The following BCKDHB variants were observed in gnomAD, a reference collection of about 807,000 sequenced individuals.
BCKDHB encodes the protein 2-oxoisovalerate dehydrogenase subunit beta, mitochondrial.
BCKDHB carries 41 observed loss-of-function variants against 48.5 expected under a neutral mutation model. The ratio of observed to expected loss-of-function variants is 0.85; its 90% CI spans 0.66 to 1.10. The LOEUF (loss-of-function observed/expected upper bound fraction) is 1.10. Ranked by LOEUF, BCKDHB falls within the 50% of genes least tolerant of loss-of-function variation. BCKDHB has a pLI of 0.00. For missense variants in BCKDHB, 496 were observed against 494.2 expected, an observed-to-expected ratio of 1.00 and a Z score of -0.03; for synonymous variants, 201 against 174.8, an observed-to-expected ratio of 1.15 and a Z score of -1.18.
the BCKDHB span, among the ~76,000 whole-genome samples, chr6:80,449,988 T>C: frequency 6.6e-6 from 1 of 152,186 alleles, no homozygotes; most frequent in Non-Finnish European, 1.5e-5. Flanking sequence ...TGTGGAATAT[T>C]ATAATGAACT....
chr6:80,386,836 T>TA, the BCKDHB span, among the ~76,000 whole-genome samples: 2 of 152,122 alleles, frequency 1.3e-5, no homozygotes, highest in East Asian at 3.9e-4. Context: ...ATTTGAATTA[T>TA]AAAAACAGAG....
chr6:80,238,107 T>G (rs1776220300), intron 8 of BCKDHB, among the ~76,000 whole-genome samples: 1 of 152,216 alleles, frequency 6.6e-6, no homozygotes, highest in South Asian at 2.1e-4. Flanking sequence ...TTTAAATTTT[T>G]ATTTTATTTT....
At chr6:80,236,013 G>C (rs1375063706) in intron 8 of BCKDHB, among the ~76,000 whole-genome samples, 1 of 152,188 alleles carries the variant, frequency 6.6e-6, no homozygotes, top group East Asian at 1.9e-4. Context: ...GCTCCATGTG[G>C]AAAGGCTGCT....
At chr6:80,141,949 A>G (rs1210646004) in intron 3 of BCKDHB, among the ~76,000 whole-genome samples, 1 of 152,050 alleles carries the variant, frequency 6.6e-6, no homozygotes, top group Admixed American at 6.6e-5. Flanking sequence ...TAACAGGGGG[A>G]GGAACCCAGA....
At chr6:80,333,508 T>G (rs1769425799) in intron 9 of BCKDHB, among the ~76,000 whole-genome samples, 1 of 152,196 alleles carries the variant, frequency 6.6e-6, no homozygotes, top group African/African-American at 2.4e-5. Flanking sequence ...TCTATATGCC[T>G]CCATGTTGTT....
chr6:80,157,988 A>T lies in BCKDHB; in HGVS notation c.344-9690A>T, dbSNP rs138239610. ...ATAAATGTCTCTTTAGTCCAAAATG[A>T]TGGGTCTTTTAAGCTTGTTCATTCA... is the stretch of plus-strand genomic sequence containing the variant. On this transcript the variant is annotated intron_variant, in intron 3 of 9. Coordinates refer to ENST00000320393, the MANE Select transcript of BCKDHB (RefSeq NM_183050.4). Among the ~76,000 whole-genome samples, 264 of 152,294 alleles carry T rather than the reference A, an allele frequency of 1.7e-3. 1 individual carries two copies. Among genetic ancestry groups the T allele is most frequent in the African/African-American group, 6.0e-3 (250 of 41,558 alleles).
chr6:80,305,686 C>A (rs556530681), intron 9 of BCKDHB, among the ~76,000 whole-genome samples: 1 of 152,102 alleles, frequency 6.6e-6, no homozygotes, highest in Admixed American at 6.6e-5. Context: ...AGGAGCCCCC[C>A]ACATGTAGAT....
At chr6:80,343,583 G>A (rs1478583088) in intron 9 of BCKDHB, 81 bp from the exon 10 acceptor site, 2 of 1,434,390 alleles carry the variant, frequency 1.4e-6, no homozygotes, top group African/African-American at 2.8e-5. Context: ...TTTTTAGTAA[G>A]TGAAATATTT....
intron 8 of BCKDHB, among the ~76,000 whole-genome samples, chr6:80,251,306 G>C (rs1048739906): frequency 2.6e-5 from 4 of 152,118 alleles, no homozygotes; most frequent in Non-Finnish European, 5.9e-5. Context: ...TTTCAGATAA[G>C]TTTTTGCTCT....
At chr6:80,386,578 A>AT in the BCKDHB span, among the ~76,000 whole-genome samples, 1 of 152,150 alleles carries the variant, frequency 6.6e-6, no homozygotes, top group African/African-American at 2.4e-5. Flanking sequence ...TTTAAATGCA[A>AT]TGGGAATAAT....
chr6:80,389,444 T>A, the BCKDHB span, among the ~76,000 whole-genome samples: 2 of 152,234 alleles, frequency 1.3e-5, no homozygotes, highest in Non-Finnish European at 2.9e-5. Flanking sequence ...ACCTTGTCCG[T>A]AATGGAAAGG....
At chr6:80,411,118 A>G in the BCKDHB span, among the ~76,000 whole-genome samples, 3 of 152,046 alleles carry the variant, frequency 2.0e-5, no homozygotes, top group Admixed American at 2.0e-4. Flanking sequence ...GGTGACCTAC[A>G]GATGGGTTTT....
At chr6:80,358,114 T>C in the BCKDHB span, among the ~76,000 whole-genome samples, 1 of 152,082 alleles carries the variant, frequency 6.6e-6, no homozygotes, top group Non-Finnish European at 1.5e-5. Context: ...CATTTTTTTT[T>C]CTCTCAAAAT....
chr6:80,374,714 G>T, the BCKDHB span: 1 of 332,966 alleles, frequency 3.0e-6, no homozygotes, highest in South Asian at 3.9e-5. Context: ...GAATATCTAG[G>T]TTTTTTCATT....
At chr6:80,374,097 G>A in the BCKDHB span, 1 of 700,682 alleles carries the variant, frequency 1.4e-6, no homozygotes, top group African/African-American at 1.7e-5. Flanking sequence ...TTCTGGTTTA[G>A]GAGCAATCTG....
chr6:80,463,533 G>T, the BCKDHB span, among the ~76,000 whole-genome samples: 2 of 152,008 alleles, frequency 1.3e-5, no homozygotes, highest in African/African-American at 4.8e-5. Context: ...ATAGAGAAAT[G>T]CCTTTGATTA....
chr6:80,127,752 G>T, intron 2 of BCKDHB, 128 bp downstream of exon 2: 1 of 898,362 alleles, frequency 1.1e-6, no homozygotes, highest in Non-Finnish European at 1.9e-6. Context: ...GGTATGATTG[G>T]GGCTAAATAA....
rs74682950 is a variant in BCKDHB at position 80,224,795 on chromosome 6, T to C, written c.951+21583T>C. Reference sequence around the variant, plus strand: ...ACAACTGAGTCAGTTTTGCCCAAGATCCTTTGATCTAGCCAAAGTTTTGAA... The same window carrying C: ...ACAACTGAGTCAGTTTTGCCCAAGACCCTTTGATCTAGCCAAAGTTTTGAA... On this transcript the variant is annotated intron_variant, in intron 8 of 9. Coordinates refer to ENST00000320393, the MANE Select transcript of BCKDHB (RefSeq NM_183050.4). Among the ~76,000 whole-genome samples the C allele has an allele frequency of 9.3e-3, 1,415 of 152,326 alleles. 29 individuals carry two copies. The highest frequency in any genetic ancestry group is 0.032 in the African/African-American group (1,347 of 41,576).
rs1409875054 is a variant in BCKDHB, at chr6:80,345,598, A to G, written c.*1794A>G. ...CACAGATGCATGTATTCTCTCAGAC[A>G]TACCGGTGTAGATGCTATATTTCTG... On this transcript the variant is annotated 3_prime_UTR_variant, in exon 10 of 10. Coordinates refer to ENST00000320393, the MANE Select transcript of BCKDHB (RefSeq NM_183050.4). 6.6e-6 allele frequency: 1 copy of G among 152,236 alleles called. No individual in the cohort carries two copies. Among genetic ancestry groups the G allele is most frequent in the African/African-American group, 2.4e-5 (1 of 41,464 alleles). The allele number at this position is 152,236 out of a possible 1,614,324, so 9.4% of individuals were successfully genotyped here.
Sources: gnomAD v4.1 joint callset for allele counts (sites outside exome capture counted in the v4.1 genomes callset) on GRCh38, gnomAD v4.1.1 for gene constraint, MANE v1.5 for transcripts, NCBI Gene and HGNC (gene_info 2026-07-23, HGNC 2026-07-21) for gene names.